ABTB2: variants seen among roughly 807,000 people sequenced by gnomAD.
ABTB2 encodes the protein ankyrin repeat and BTB domain containing 2, also known as ankyrin repeat and BTB/POZ domain-containing protein 2.
Under a neutral mutation model 104.1 loss-of-function variants are expected in ABTB2, and 56 were observed. The ratio of observed to expected loss-of-function variants is 0.54; its 90% CI spans 0.43 to 0.67. ABTB2 has a LOEUF of 0.67. Ranked by LOEUF, ABTB2 falls within the 30% of genes least tolerant of loss-of-function variation. The pLI, the probability that ABTB2 is intolerant of heterozygous loss-of-function variation, is 0.00. For missense variants in ABTB2, 1,279 were observed against 1,407.7 expected, an observed-to-expected ratio of 0.91 and a Z score of 1.46; for synonymous variants, 606 against 608.2, an observed-to-expected ratio of 1.00 and a Z score of 0.05.
intron 1 of ABTB2, among the ~76,000 whole-genome samples, chr11:34,296,047 G>A (rs1187053185): frequency 6.6e-6 from 1 of 152,190 alleles, no homozygotes; most frequent in Non-Finnish European, 1.5e-5. Flanking sequence ...CGGGAGTATT[G>A]CTGGAACCCA....
At chr11:34,351,254 C>G (rs1253680084) in intron 1 of ABTB2, among the ~76,000 whole-genome samples, 1 of 111,064 alleles carries the variant, frequency 9.0e-6, no homozygotes, top group Non-Finnish European at 1.7e-5. Flanking sequence ...CAGATGTAAA[C>G]TCTTCTGAGC....
At chr11:34,191,605 G>A (rs1362514321) in intron 3 of ABTB2, among the ~76,000 whole-genome samples, 1 of 152,190 alleles carries the variant, frequency 6.6e-6, no homozygotes, top group Non-Finnish European at 1.5e-5. Context: ...ACCTTTATAG[G>A]AGCATCAAGA....
chr11:34,162,891 C>T lies in ABTB2; in HGVS notation c.1989-86G>A, dbSNP rs569413116. The T allele has an allele frequency of 7.8e-5, 102 of 1,310,778 alleles. 1 individual carries two copies. In the South Asian group the frequency reaches 9.5e-4, roughly 12 times the overall value. The allele number at this position is 1,310,778 out of a possible 1,614,324, so 81.2% of individuals were successfully genotyped here. On this transcript the variant is annotated intron_variant, in intron 9 of 16. Transcript: ENST00000435224. The stretch of plus-strand genomic sequence containing the variant: ...GCTGTCCCCCAGTGCCCTCCTGCCC[C>T]GACGGGCTGCTCTGGGGTACCCGAG...
chr11:34,213,706 T>C (rs1853514254), intron 1 of ABTB2, among the ~76,000 whole-genome samples: 1 of 152,218 alleles, frequency 6.6e-6, no homozygotes, highest in African/African-American at 2.4e-5. Flanking sequence ...ATCTGCTCAC[T>C]GCCATTTCTC....
In ABTB2 at chr11:34,154,456, G is replaced by T; in HGVS notation, c.2767-78C>A. 1 of 1,099,346 alleles carries T rather than the reference G, an allele frequency of 9.1e-7. No individual in the cohort carries two copies. 68.1% of individuals were successfully genotyped at this position (1,099,346 alleles called of 1,614,324 possible). On this transcript the variant is annotated intron_variant, in intron 15 of 16. Coordinates refer to ENST00000435224, the MANE Select transcript of ABTB2 (RefSeq NM_145804.3). The surrounding 1 kb of genome is among the most constrained non-coding windows in gnomAD (Gnocchi z 4.9). Reference sequence around the variant, plus strand: ...AGACAGCACCGAACAGAAAGCTCCCGAGTGCCGTGTGCCCTGCTGCCTCCA... The same window carrying T: ...AGACAGCACCGAACAGAAAGCTCCCTAGTGCCGTGTGCCCTGCTGCCTCCA...
intron 1 of ABTB2, among the ~76,000 whole-genome samples, chr11:34,326,698 C>G (rs1410292882): frequency 6.7e-6 from 1 of 149,186 alleles, no homozygotes; most frequent in African/African-American, 2.5e-5. Flanking sequence ...AAAAACAGAA[C>G]AAACAGAAAC....
At chr11:34,321,074 C>T (rs1054316179) in intron 1 of ABTB2, among the ~76,000 whole-genome samples, 2 of 151,982 alleles carry the variant, frequency 1.3e-5, no homozygotes, top group African/African-American at 2.4e-5. Flanking sequence ...CCCAGCTACT[C>T]GGGAGGCTGA....
At chr11:34,180,204 C>T (rs984121036) in intron 3 of ABTB2, among the ~76,000 whole-genome samples, 35 of 152,200 alleles carry the variant, frequency 2.3e-4, no homozygotes, top group African/African-American at 8.4e-4. Context: ...GCCCACCACC[C>T]ACTCCATCCC....
At chr11:34,277,799 C>CTTT (rs1163442976) in intron 1 of ABTB2, among the ~76,000 whole-genome samples, 35 of 120,720 alleles carry the variant, frequency 2.9e-4, no homozygotes, top group African/African-American at 3.5e-4. Context: ...AACAGATTCT[C>CTTT]TTTTTTTTTT....
At chr11:34,229,714 T>C (rs1461278702) in intron 1 of ABTB2, among the ~76,000 whole-genome samples, 1 of 152,140 alleles carries the variant, frequency 6.6e-6, no homozygotes, top group East Asian at 1.9e-4. Context: ...GCATGTTTTC[T>C]ACAGAAAAAT....
chr11:34,175,983 C>T (rs1201166221), intron 3 of ABTB2, among the ~76,000 whole-genome samples: 2 of 152,092 alleles, frequency 1.3e-5, no homozygotes, highest in African/African-American at 4.8e-5. Flanking sequence ...TCTCCCCACC[C>T]CCCCAAAAAA....
At chr11:34,338,724 T>C (rs1298227068) in intron 1 of ABTB2, among the ~76,000 whole-genome samples, 2 of 152,058 alleles carry the variant, frequency 1.3e-5, no homozygotes, top group Non-Finnish European at 2.9e-5. Flanking sequence ...AAAAAACAGA[T>C]GTCTTAGCCC....
intron 1 of ABTB2, among the ~76,000 whole-genome samples, chr11:34,312,150 A>AAAAAAAAG (rs1854863213): frequency 6.6e-6 from 1 of 151,764 alleles, no homozygotes; most frequent in African/African-American, 2.4e-5. Context: ...CAAAAAAAAA[A>AAAAAAAAG]AAAAAGAAAA....
At chr11:34,238,080 A>T (rs185788510) in intron 1 of ABTB2, among the ~76,000 whole-genome samples, 2 of 152,210 alleles carry the variant, frequency 1.3e-5, no homozygotes, top group South Asian at 2.1e-4. Context: ...AATAAATTTT[A>T]AAAAATATTT....
At chr11:34,222,067 A>T (rs927186417) in intron 1 of ABTB2, among the ~76,000 whole-genome samples, 1 of 152,064 alleles carries the variant, frequency 6.6e-6, no homozygotes, top group Non-Finnish European at 1.5e-5. Context: ...CAAAACAACA[A>T]CAACAAAAAA....
intron 7 of ABTB2, among the ~76,000 whole-genome samples, chr11:34,165,633 G>A (rs2467391): frequency 0.07 from 10,709 of 152,316 alleles, 501 homozygotes; most frequent in Admixed American, 0.11. Context: ...GCTTTCCCAT[G>A]AACTGACTGC....
At chr11:34,248,000 G>A (rs1854005497) in intron 1 of ABTB2, among the ~76,000 whole-genome samples, 1 of 151,768 alleles carries the variant, frequency 6.6e-6, no homozygotes, top group Non-Finnish European at 1.5e-5. Flanking sequence ...TACACCTGGT[G>A]GGCAAGGTCC....
intron 1 of ABTB2, among the ~76,000 whole-genome samples, chr11:34,299,338 A>C (rs1487847810): frequency 6.6e-6 from 1 of 152,230 alleles, no homozygotes. Flanking sequence ...AGAAAATGAA[A>C]TCCAAATTGA....
chr11:34,152,652 A>T (rs1696915023), intron 16 of ABTB2, 68 bp from the exon 17 acceptor site: 1 of 1,448,742 alleles, frequency 6.9e-7, no homozygotes. Context: ...CTCACCCCCA[A>T]ATACTACCTA....
Sources: allele counts gnomAD v4.1 joint callset (sites outside exome capture counted in the v4.1 genomes callset), GRCh38; gene constraint gnomAD v4.1.1; non-coding constraint Gnocchi (gnomAD v3.1); transcripts MANE v1.5; gene names NCBI Gene and HGNC (gene_info 2026-07-23, HGNC 2026-07-21).